Variants in GFOD1 observed in about 807,000 individuals in gnomAD.
GFOD1 encodes the protein Gfo/Idh/MocA-like oxidoreductase domain containing 1, also known as glucose-fructose oxidoreductase domain-containing protein 1.
GFOD1 carries 9 observed loss-of-function variants against 25.4 expected under a neutral mutation model. That is an observed-to-expected ratio of 0.35 (90% confidence interval 0.21 to 0.62). The LOEUF is 0.62. GFOD1 is among the 20% of genes least tolerant of loss of function. The pLI is 0.72. For synonymous variants in GFOD1, 253 were observed against 245.6 expected (o/e 1.03, Z -0.28); for missense variants, 403 against 556.9 (o/e 0.72, Z 2.78).
At chr6:13,393,848 C>G (rs1049728003) in intron 1 of GFOD1, among the ~76,000 whole-genome samples, 1 of 138,232 alleles carries the variant, frequency 7.2e-6, no homozygotes, top group Non-Finnish European at 1.5e-5. Flanking sequence ...GGTGCGATCT[C>G]GGCTCACTGC....
chr6:13,362,532 A>G lies in GFOD1; in HGVS notation c.*2211T>C, dbSNP rs1390111043. On this transcript the variant is annotated 3_prime_UTR_variant, in exon 2 of 2. Coordinates refer to ENST00000379287, the MANE Select transcript of GFOD1 (RefSeq NM_018988.4). ...CATGACATGGGCCTCTGTTCAAACT[A>G]TTATTGGGAGACTTCCATTCCAGCA... 2 of 151,972 alleles carry G rather than the reference A, an allele frequency of 1.3e-5. No individual in the cohort carries two copies. The highest frequency in any genetic ancestry group is 2.9e-5 in the Non-Finnish European group (2 of 67,990). 9.4% of individuals were successfully genotyped at this position (151,972 alleles called of 1,614,324 possible). A position where few individuals can be genotyped will look rare whatever the true frequency, so the allele number is the denominator to read the frequency against.
chr6:13,473,975 TA>T (rs1266266751), intron 1 of GFOD1, among the ~76,000 whole-genome samples: 2 of 152,148 alleles, frequency 1.3e-5, no homozygotes, highest in Admixed American at 6.5e-5. Flanking sequence ...TGTGCAGCAG[TA>T]AACTGGAAGC....
intron 1 of GFOD1, among the ~76,000 whole-genome samples, chr6:13,467,153 C>A (rs1758392797): frequency 6.6e-6 from 1 of 151,422 alleles, no homozygotes; most frequent in Admixed American, 6.6e-5. Flanking sequence ...GTGAACCAAC[C>A]ATATGACAGC....
chr6:13,425,154 C>G (rs1786330684), intron 1 of GFOD1, among the ~76,000 whole-genome samples: 1 of 151,686 alleles, frequency 6.6e-6, no homozygotes, highest in East Asian at 1.9e-4. Context: ...GAGATGGGGT[C>G]TCTCTCTGTT....
chr6:13,392,920 G>A (rs1785642792), intron 1 of GFOD1, among the ~76,000 whole-genome samples: 1 of 151,790 alleles, frequency 6.6e-6, no homozygotes, highest in Non-Finnish European at 1.5e-5. Context: ...AAATTAGCCA[G>A]GCATGGTGAC....
chr6:13,404,017 G>C (rs1785900944), intron 1 of GFOD1, among the ~76,000 whole-genome samples: 1 of 152,120 alleles, frequency 6.6e-6, no homozygotes, highest in African/African-American at 2.4e-5. Flanking sequence ...GATGAAATAT[G>C]AATAGCAAAA....
chr6:13,386,958 C>G (rs1402872204), intron 1 of GFOD1, among the ~76,000 whole-genome samples: 2 of 152,196 alleles, frequency 1.3e-5, no homozygotes, highest in South Asian at 4.1e-4. Flanking sequence ...ATTCTGCATT[C>G]CATCCTCATT....
chr6:13,475,052 C>T (rs1031074688), intron 1 of GFOD1, among the ~76,000 whole-genome samples: 1 of 152,086 alleles, frequency 6.6e-6, no homozygotes, highest in African/African-American at 2.4e-5. Flanking sequence ...AGTCTGCTAC[C>T]TCAACAAAAT....
intron 1 of GFOD1, among the ~76,000 whole-genome samples, chr6:13,410,610 G>C (rs1372996985): frequency 6.7e-6 from 1 of 149,512 alleles, no homozygotes. Context: ...GAGAGAGAGA[G>C]AGAGGAAGGA....
chr6:13,419,633 C>G (rs565590470), intron 1 of GFOD1, among the ~76,000 whole-genome samples: 1 of 152,118 alleles, frequency 6.6e-6, no homozygotes, highest in Admixed American at 6.5e-5. Context: ...TTTGCAGGAC[C>G]CTCCACGATC....
rs1554199393 is a variant in GFOD1, at chr6:13,374,267, T to TG, written c.254-8606_254-8605insC. On this transcript the variant is annotated intron_variant, in intron 1 of 1. Coordinates refer to ENST00000379287, the MANE Select transcript of GFOD1 (RefSeq NM_018988.4). ...AGCCTAGTCTTTTTAAAAATATGTT[T>TG]TTTTTTTGTGTGTGTGTGTGTGTGT... 9.2e-3 allele frequency among the ~76,000 whole-genome samples: 1,238 copies of TG among 133,880 alleles called. 14 individuals are homozygous for TG. The highest frequency in any genetic ancestry group is 0.031 in the East Asian group (139 of 4,500). The allele number at this position is 133,880 out of a possible 152,430, so 87.8% of individuals were successfully genotyped here.
chr6:13,483,592 A>G (rs1194774844), intron 1 of GFOD1, among the ~76,000 whole-genome samples: 2 of 152,210 alleles, frequency 1.3e-5, no homozygotes, highest in African/African-American at 4.8e-5. Flanking sequence ...AACCTAGTTC[A>G]GAAACTACGA....
At chr6:13,400,980 A>G (rs1785829833) in intron 1 of GFOD1, among the ~76,000 whole-genome samples, 1 of 152,240 alleles carries the variant, frequency 6.6e-6, no homozygotes, top group Non-Finnish European at 1.5e-5. Context: ...ATCCTCAGCA[A>G]GGATTACTTC....
rs1290177008 is a variant in GFOD1, at chr6:13,362,469, A to G, written c.*2274T>C. On this transcript the variant is annotated 3_prime_UTR_variant, in exon 2 of 2. Transcript: ENST00000379287. ...AGAGCGAGACTCCATTTCAAAAAAA[A>G]AAAAAAAAAAAGAAGAAGAATGTGA... 6.6e-6 allele frequency: 1 copy of G among 152,142 alleles called. No individual in the cohort carries two copies. 9.4% of individuals were successfully genotyped at this position (152,142 alleles called of 1,614,324 possible). A position where few individuals can be genotyped will look rare whatever the true frequency, so the allele number is the denominator to read the frequency against.
In GFOD1 at chr6:13,389,780, C is replaced by T. The variant is rs138683300; in HGVS notation, c.254-24118G>A. 4.3e-3 allele frequency among the ~76,000 whole-genome samples: 648 copies of T among 152,132 alleles called. 2 individuals are homozygous for T. Among genetic ancestry groups the T allele is most frequent in the Non-Finnish European group, 7.1e-3 (481 of 67,988 alleles). ...AGTATAATGATAATAAAAAATCTAA[C>T]GCCCCTTTCCAAACTACCATATTAT... On this transcript the variant is annotated intron_variant, in intron 1 of 1. Coordinates refer to ENST00000379287, the MANE Select transcript of GFOD1 (RefSeq NM_018988.4).
At chr6:13,401,409 A>AAGGG (rs10664021) in intron 1 of GFOD1, among the ~76,000 whole-genome samples, 86,932 of 121,274 alleles carry the variant, frequency 0.72, 28,636 homozygotes, top group Non-Finnish European at 0.78. Context: ...AAGGGAAGGG[A>AAGGG]AAGGGAAAAA....
rs530677675 is a variant in GFOD1 at position 13,361,683 on chromosome 6, C to A, written c.*3060G>T. 6.6e-6 allele frequency: 1 copy of A among 152,244 alleles called. No homozygotes were observed. The highest frequency in any genetic ancestry group is 1.9e-4 in the East Asian group (1 of 5,190). The allele number at this position is 152,244 out of a possible 1,614,324, so 9.4% of individuals were successfully genotyped here. ...GGAGCACTAAAGGAGTATCTCAAAC[C>A]CATTTGCTACAGTTTATATTTAAAG... On this transcript the variant is annotated 3_prime_UTR_variant, in exon 2 of 2. Coordinates refer to ENST00000379287, the MANE Select transcript of GFOD1 (RefSeq NM_018988.4).
In GFOD1 at chr6:13,360,538, TAGTC is replaced by T. The variant is rs1336977774; in HGVS notation, c.*4201_*4204del. 3 of 370,086 alleles carry T rather than the reference TAGTC, an allele frequency of 8.1e-6. No individual in the cohort carries two copies. The highest frequency in any genetic ancestry group is 4.2e-5 in the African/African-American group (2 of 47,294). The allele number at this position is 370,086 out of a possible 1,614,324, so 22.9% of individuals were successfully genotyped here. On this transcript the variant is annotated 3_prime_UTR_variant, in exon 2 of 2. Transcript: ENST00000379287. Reference sequence around the variant, plus strand: ...GAGCAAATTCCAAGGCCATCTATAATAGTCAGCCAACAAGATTTTGAAAATCCCC... The same window carrying T: ...GAGCAAATTCCAAGGCCATCTATAATAGCCAACAAGATTTTGAAAATCCCC...
At chr6:13,394,466 ATTTTTTTTT>A (rs70989855) in intron 1 of GFOD1, among the ~76,000 whole-genome samples, 3 of 75,916 alleles carry the variant, frequency 4.0e-5, no homozygotes, top group African/African-American at 5.5e-5. Context: ...TACCCTTTGA[ATTTTTTTTT>A]TTTTTTTTTT....
Sources: allele counts gnomAD v4.1 joint callset (sites outside exome capture counted in the v4.1 genomes callset), GRCh38; gene constraint gnomAD v4.1.1; transcripts MANE v1.5; gene names NCBI Gene and HGNC (gene_info 2026-07-23, HGNC 2026-07-21).